The following SENP6 variants were observed in gnomAD, a reference collection of about 807,000 sequenced individuals.
SENP6 encodes SUMO specific peptidase 6.
A neutral mutation model predicts 134.5 loss-of-function variants in SENP6; 41 were observed. That is an observed-to-expected ratio of 0.30 (90% CI 0.24 to 0.40). The LOEUF is 0.40. Among genes scored for constraint, SENP6 ranks in the 10% least tolerant of loss-of-function variants. The pLI is 1.00. For missense variants in SENP6, 1,248 were observed against 1,312.5 expected (o/e 0.95, Z 0.76); for synonymous variants, 395 against 429.8 (o/e 0.92, Z 1.00).
intron 11 of SENP6, among the ~76,000 whole-genome samples, chr6:75,672,913 C>T (rs796604963): frequency 1.1e-3 from 172 of 152,116 alleles, no homozygotes; most frequent in African/African-American, 3.9e-3. Context: ...CTGCAAGCTC[C>T]GCCTCCTGGG....
chr6:75,712,686 A>G (rs1335685377), intron 21 of SENP6, among the ~76,000 whole-genome samples: 1 of 152,184 alleles, frequency 6.6e-6, no homozygotes, highest in Non-Finnish European at 1.5e-5. Flanking sequence ...CAATATTTAT[A>G]TACAGAGTTA....
At chr6:75,680,148 G>C (rs1773364725) in intron 16 of SENP6, among the ~76,000 whole-genome samples, 1 of 152,156 alleles carries the variant, frequency 6.6e-6, no homozygotes, top group South Asian at 2.1e-4. Flanking sequence ...AGAATTAGTA[G>C]TACTCCAGGA....
chr6:75,704,271 T>A (rs1319104671), intron 19 of SENP6, among the ~76,000 whole-genome samples: 1 of 152,186 alleles, frequency 6.6e-6, no homozygotes, highest in East Asian at 1.9e-4. Flanking sequence ...ATTACTATTT[T>A]CACTATCTCA....
At chr6:75,607,462 C>T (rs1310866067) in intron 1 of SENP6, among the ~76,000 whole-genome samples, 1 of 152,024 alleles carries the variant, frequency 6.6e-6, no homozygotes, top group African/African-American at 2.4e-5. Flanking sequence ...CTTTTTTTCA[C>T]TCTGGGGGCT....
chr6:75,713,056 G>C (rs889843106), intron 21 of SENP6, among the ~76,000 whole-genome samples: 40 of 152,128 alleles, frequency 2.6e-4, no homozygotes, highest in African/African-American at 9.7e-4. Flanking sequence ...GCAGTGAGCT[G>C]TTATTACGCT....
intron 7 of SENP6, among the ~76,000 whole-genome samples, chr6:75,651,431 T>C (rs1770853764): frequency 1.3e-5 from 2 of 152,320 alleles, no homozygotes; most frequent in East Asian, 3.9e-4. Context: ...TATGGCTCAC[T>C]GCAGCCTCGA....
chr6:75,634,904 C>G, intron 5 of SENP6, 93 bp downstream of exon 5: 1 of 779,572 alleles, frequency 1.3e-6, no homozygotes, highest in Non-Finnish European at 2.2e-6. Flanking sequence ...TTTGTGAAAC[C>G]TTACTGTTTT....
intron 8 of SENP6, among the ~76,000 whole-genome samples, chr6:75,660,210 A>G (rs1490805492): frequency 2.0e-5 from 3 of 152,220 alleles, no homozygotes; most frequent in Non-Finnish European, 2.9e-5. Flanking sequence ...AGAATGCTTC[A>G]GAAATGATGC....
At chr6:75,664,430 G>A (rs1258479816) in intron 9 of SENP6, among the ~76,000 whole-genome samples, 2 of 151,860 alleles carry the variant, frequency 1.3e-5, no homozygotes, top group African/African-American at 4.8e-5. Context: ...ATATATGTCA[G>A]GTACTGTGCT....
chr6:75,684,712 A>G (rs930209761), intron 16 of SENP6, among the ~76,000 whole-genome samples: 6 of 152,124 alleles, frequency 3.9e-5, no homozygotes, highest in Non-Finnish European at 8.8e-5. Context: ...ATTGATTTGC[A>G]TATGTTGAAC....
At chr6:75,623,047 C>T (rs1326551366) in intron 2 of SENP6, among the ~76,000 whole-genome samples, 5 of 151,548 alleles carry the variant, frequency 3.3e-5, no homozygotes, top group African/African-American at 7.3e-5. Flanking sequence ...AAAATGTTTA[C>T]GAGAGACTTT....
Position 75,675,957 on chromosome 6 carries a change from A to G in SENP6, c.1524A>G (p.Gln508=). ...NVRKLPVVFL[Q]AIPAVYQKLS... ...GAAAATTACCTGTAGTGTTTCTTCA[A>G]GCAATTCCAGCAGTTTATCAAAAGC... Residue 508 remains glutamine, a synonymous_variant, in exon 13 of 24, where the codon CAA becomes CAG. Coordinates refer to ENST00000447266, the MANE Select transcript of SENP6 (RefSeq NM_015571.4). 1.2e-6 allele frequency: 2 copies of G among 1,612,926 alleles called. No individual in the cohort carries two copies. Among genetic ancestry groups the G allele is most frequent in the African/African-American group, 1.3e-5 (1 of 75,042 alleles).
intron 10 of SENP6, among the ~76,000 whole-genome samples, chr6:75,668,393 G>A (rs1280481090): frequency 6.6e-6 from 1 of 152,108 alleles, no homozygotes; most frequent in East Asian, 1.9e-4. Context: ...AGTAAGCTAT[G>A]TGACAAAGTG....
Position 75,702,634 on chromosome 6 carries a change from G to T in SENP6, c.2289-11G>T. 6.5e-7 allele frequency: 1 copy of T among 1,543,972 alleles called. No individual in the cohort carries two copies. The highest frequency in any genetic ancestry group is 8.7e-7 in the Non-Finnish European group (1 of 1,147,888). ...AATAACATATTTAGTCATTTCATTT[G>T]TTTTTTACAGTGCACACTGGTTTTT... On this transcript the variant is annotated splice_polypyrimidine_tract_variant and intron_variant, in intron 18 of 23. Coordinates refer to ENST00000447266, the MANE Select transcript of SENP6 (RefSeq NM_015571.4).
At chr6:75,627,474 T>A (rs1768783014) in intron 3 of SENP6, among the ~76,000 whole-genome samples, 1 of 151,936 alleles carries the variant, frequency 6.6e-6, no homozygotes, top group African/African-American at 2.4e-5. Flanking sequence ...TAGATGAAAA[T>A]AAGATGTGAG....
chr6:75,635,185 G>A, intron 5 of SENP6: 1 of 252,864 alleles, frequency 4.0e-6, no homozygotes, highest in East Asian at 1.0e-4. Context: ...AGGCTTATAA[G>A]AGTTCATAGC....
intron 3 of SENP6, among the ~76,000 whole-genome samples, chr6:75,629,005 A>G (rs1440071242): frequency 1.3e-5 from 2 of 152,106 alleles, no homozygotes; most frequent in East Asian, 3.9e-4. Context: ...AATTACAGGC[A>G]TAAGCCACTG....
rs753768852 is a variant in SENP6, at chr6:75,623,976, A to G, written c.207+16A>G. ...AGGAAAAAAGGCAAGTGTTGCTTAA[A>G]ATATTTTCTTCTTTTACATTATATA... is the stretch of plus-strand genomic sequence containing the variant. On this transcript the variant is annotated intron_variant, in intron 3 of 23. Transcript: ENST00000447266. The G allele has an allele frequency of 1.9e-6, 3 of 1,591,032 alleles. No individual in the cohort carries two copies. Among genetic ancestry groups the G allele is most frequent in the Non-Finnish European group, 2.6e-6 (3 of 1,164,970 alleles).
In SENP6 at chr6:75,601,897, C is replaced by G. The variant is rs1766647572; in HGVS notation, c.-628C>G. 6.6e-6 allele frequency: 1 copy of G among 152,152 alleles called. No individual in the cohort carries two copies. The highest frequency in any genetic ancestry group is 2.4e-5 in the African/African-American group (1 of 41,400). 9.4% of individuals were successfully genotyped at this position (152,152 alleles called of 1,614,324 possible). A position where few individuals can be genotyped will look rare whatever the true frequency, so the allele number is the denominator to read the frequency against. On this transcript the variant is annotated 5_prime_UTR_variant, in exon 1 of 24. Transcript: ENST00000447266. Reference sequence around the variant, plus strand: ...GGAGCGGCAGCGGCGGCGGCTGGAGCTGCTGTGGCGACCGACGCGAGGCGG... The same window carrying G: ...GGAGCGGCAGCGGCGGCGGCTGGAGGTGCTGTGGCGACCGACGCGAGGCGG...
Sources: allele counts gnomAD v4.1 joint callset (sites outside exome capture counted in the v4.1 genomes callset), GRCh38; gene constraint gnomAD v4.1.1; transcripts MANE v1.5; gene names NCBI Gene and HGNC (gene_info 2026-07-23, HGNC 2026-07-21).